GPHN: variants seen among roughly 807,000 people sequenced by gnomAD.
GPHN encodes the protein gephyrin.
A neutral mutation model predicts 95.5 loss-of-function variants in GPHN; 17 were observed. The observed-to-expected ratio is 0.18, with a 90% CI of 0.12 to 0.27. The LOEUF is 0.27. Ranked by LOEUF, GPHN falls within the 10% of genes least tolerant of loss-of-function variation. The pLI is 1.00. For synonymous variants in GPHN, 320 were observed against 322.5 expected (o/e 0.99, Z 0.08); for missense variants, 660 against 978.1 (o/e 0.67, Z 4.34).
At chr14:66,607,740 G>A (rs1339321777) in intron 1 of GPHN, among the ~76,000 whole-genome samples, 2 of 151,716 alleles carry the variant, frequency 1.3e-5, no homozygotes, top group Non-Finnish European at 2.9e-5. Context: ...GAGGTTGTGT[G>A]TTCCCATAAA....
chr14:67,222,227 C>T, the GPHN span, among the ~76,000 whole-genome samples: 1 of 152,166 alleles, frequency 6.6e-6, no homozygotes, highest in African/African-American at 2.4e-5. Context: ...AATTATCCAG[C>T]TCCTCTTTGT....
chr14:67,070,715 A>AAAAAAAAAAAAATATATATACAT, intron 11 of GPHN, among the ~76,000 whole-genome samples: 1 of 80,704 alleles, frequency 1.2e-5, no homozygotes, highest in African/African-American at 1.3e-4. Flanking sequence ...AAAAAAAAAA[A>AAAAAAAAAAAAATATATATACAT]ATATATATAT....
chr14:66,983,516 G>A (rs1318313532), intron 9 of GPHN, among the ~76,000 whole-genome samples: 2 of 151,728 alleles, frequency 1.3e-5, no homozygotes, highest in African/African-American at 4.8e-5. Context: ...TTGAATTGTA[G>A]CCAGATGAAA....
the GPHN span, chr14:67,582,373 C>T: frequency 8.2e-7 from 1 of 1,218,154 alleles, no homozygotes; most frequent in Non-Finnish European, 1.2e-6. The surrounding 1 kb of genome is among the most constrained non-coding windows in gnomAD (Gnocchi z 5.0). Flanking sequence ...CAGATCAGAG[C>T]TCCTCACTCA....
chr14:66,767,418 A>G (rs2059001034), intron 2 of GPHN, among the ~76,000 whole-genome samples: 2 of 145,900 alleles, frequency 1.4e-5, no homozygotes, highest in African/African-American at 5.1e-5. Flanking sequence ...TATTTGTTCT[A>G]TTGCAGACTC....
chr14:67,146,382 A>G (rs1044823653), intron 18 of GPHN, among the ~76,000 whole-genome samples: 1 of 152,224 alleles, frequency 6.6e-6, no homozygotes, highest in Admixed American at 6.5e-5. Context: ...CTTGTTAAAT[A>G]GTTAAACAGT....
the GPHN span, chr14:67,473,187 A>G: frequency 1.7e-6 from 1 of 574,966 alleles, no homozygotes; most frequent in East Asian, 3.1e-5. The surrounding 1 kb of genome is among the most constrained non-coding windows in gnomAD (Gnocchi z 6.5). Flanking sequence ...CTGGGCCGCG[A>G]TCCATGGACC....
intron 9 of GPHN, among the ~76,000 whole-genome samples, chr14:67,014,559 G>T (rs1379042458): frequency 6.6e-6 from 1 of 152,186 alleles, no homozygotes. Flanking sequence ...GATTGTCATT[G>T]TTAGGTTAGA....
the GPHN span, among the ~76,000 whole-genome samples, chr14:67,310,901 CAGTA>C: frequency 6.6e-6 from 1 of 152,160 alleles, no homozygotes; most frequent in Non-Finnish European, 1.5e-5. Flanking sequence ...CTGTCATCGA[CAGTA>C]CTCATTTTAG....
chr14:67,645,760 T>G, the GPHN span: 1 of 1,614,040 alleles, frequency 6.2e-7, no homozygotes, highest in East Asian at 2.2e-5. Flanking sequence ...GAAATCTCCA[T>G]GGACAGCCAG....
the GPHN span, among the ~76,000 whole-genome samples, chr14:67,693,807 C>T: frequency 2.0e-5 from 3 of 151,960 alleles, no homozygotes; most frequent in East Asian, 1.9e-4. Flanking sequence ...TGCGCCACCA[C>T]GCCCAGCTAA....
intron 5 of GPHN, among the ~76,000 whole-genome samples, chr14:66,887,192 G>A (rs1034386875): frequency 2.9e-4 from 44 of 152,118 alleles, no homozygotes; most frequent in African/African-American, 1.1e-3. Context: ...TTACCTAGGG[G>A]AAGGGAAATA....
chr14:67,049,358 G>C (rs1387787905), intron 10 of GPHN, among the ~76,000 whole-genome samples: 3 of 151,874 alleles, frequency 2.0e-5, no homozygotes. Context: ...CTCCGGAGTA[G>C]CTGGGACTAC....
At chr14:66,955,402 G>C (rs1387234028) in intron 8 of GPHN, among the ~76,000 whole-genome samples, 1 of 152,012 alleles carries the variant, frequency 6.6e-6, no homozygotes, top group Non-Finnish European at 1.5e-5. Context: ...GTTGTTCCTA[G>C]TATTTAATTA....
At chr14:66,549,015 T>C (rs1456936553) in intron 1 of GPHN, among the ~76,000 whole-genome samples, 1 of 152,196 alleles carries the variant, frequency 6.6e-6, no homozygotes, top group African/African-American at 2.4e-5. Flanking sequence ...CTCATTTTAT[T>C]GGTTTCACTT....
intron 2 of GPHN, chr14:66,709,493 T>G (rs2069411262): frequency 2.3e-6 from 1 of 438,638 alleles, no homozygotes. Flanking sequence ...CTATACAATG[T>G]GAATTCACTG....
chr14:66,565,597 G>T lies in GPHN; in HGVS notation c.64+57006G>T, dbSNP rs538548287. On this transcript the variant is annotated intron_variant, in intron 1 of 22. Transcript: ENST00000478722. ...TTATAGGTGTGAGCCACCGTGCCTG[G>T]CCTTTATATATAATTTGATTACAAA... Among the ~76,000 whole-genome samples, 9 of 152,172 alleles carry T rather than the reference G, an allele frequency of 5.9e-5. 2 individuals carry two copies. The highest frequency in any genetic ancestry group is 2.2e-4 in the African/African-American group (9 of 41,518).
intron 2 of GPHN, among the ~76,000 whole-genome samples, chr14:66,691,989 C>A (rs954225166): frequency 6.6e-6 from 1 of 152,082 alleles, no homozygotes; most frequent in Non-Finnish European, 1.5e-5. Context: ...AAATCAAATT[C>A]GGATTTGTCC....
chr14:66,954,658 A>G lies in GPHN; in HGVS notation c.829-10533A>G, dbSNP rs189024807. 3.3e-5 allele frequency among the ~76,000 whole-genome samples: 5 copies of G among 152,302 alleles called. 1 individual carries two copies. The highest frequency in any genetic ancestry group is 1.2e-4 in the African/African-American group (5 of 41,554). On this transcript the variant is annotated intron_variant, in intron 8 of 22. Transcript: ENST00000478722. ...TTCCCTGGCTAGAACTTTGAGTACA[A>G]TGTTAAGTAGAATTGGCCTGAGTAG...
Sources: allele counts gnomAD v4.1 joint callset (sites outside exome capture counted in the v4.1 genomes callset), GRCh38; gene constraint gnomAD v4.1.1; non-coding constraint Gnocchi (gnomAD v3.1); transcripts MANE v1.5; gene names NCBI Gene and HGNC (gene_info 2026-07-23, HGNC 2026-07-21).